Variants in SNTG1 observed in about 807,000 individuals in gnomAD.
The protein encoded by SNTG1 is syntrophin gamma 1.
A neutral mutation model predicts 74.7 loss-of-function variants in SNTG1; 39 were observed. That is an observed-to-expected ratio of 0.52 (90% CI 0.40 to 0.68). SNTG1 has a LOEUF of 0.68. SNTG1 is among the 30% of genes least tolerant of loss of function. The pLI is 0.00. For missense variants in SNTG1, 685 were observed against 609.5 expected, an observed-to-expected ratio of 1.12 and a Z score of -1.30; for synonymous variants, 254 against 217.1, an observed-to-expected ratio of 1.17 and a Z score of -1.49.
intron 1 of SNTG1, among the ~76,000 whole-genome samples, chr8:49,913,295 G>T (rs751965030): frequency 2.0e-5 from 3 of 152,186 alleles, no homozygotes; most frequent in Admixed American, 6.5e-5. Context: ...CTACCCCTTT[G>T]AAAAATTACA....
chr8:50,363,468 G>T (rs903241228), intron 2 of SNTG1, among the ~76,000 whole-genome samples: 4 of 152,100 alleles, frequency 2.6e-5, no homozygotes, highest in African/African-American at 4.8e-5. Flanking sequence ...TTTACAATTG[G>T]ACTTTGTCCC....
rs1464664827 is a variant in SNTG1, at chr8:50,438,617, T to C, written c.219+18T>C. The C allele has an allele frequency of 3.7e-6, 6 of 1,605,110 alleles. No homozygotes were observed. Among genetic ancestry groups the C allele is most frequent in the Admixed American group, 1.7e-5 (1 of 59,826 alleles). On this transcript the variant is annotated intron_variant, in intron 5 of 18. Transcript: ENST00000642720. ...GCATAAAGGTAGCCTGCCTTTCTAG[T>C]CTATCCTTACAAAGGCCATGCCATA...
At chr8:50,427,342 G>C (rs1238646843) in intron 4 of SNTG1, among the ~76,000 whole-genome samples, 1 of 152,082 alleles carries the variant, frequency 6.6e-6, no homozygotes, top group African/African-American at 2.4e-5. Flanking sequence ...TTTACAAATG[G>C]TATGAATCTG....
intron 1 of SNTG1, among the ~76,000 whole-genome samples, chr8:50,049,095 C>CA (rs926763776): frequency 1.9e-4 from 28 of 146,568 alleles, no homozygotes; most frequent in Middle Eastern, 3.5e-3. Flanking sequence ...AGAGTGAAAA[C>CA]AAAAAAAAAG....
At chr8:50,314,585 T>C (rs879355441) in intron 2 of SNTG1, among the ~76,000 whole-genome samples, 3 of 149,726 alleles carry the variant, frequency 2.0e-5, no homozygotes, top group Admixed American at 6.8e-5. Context: ...TTGGGAGGTA[T>C]AGATGGAGAT....
chr8:50,150,182 T>C (rs1356012921), intron 1 of SNTG1, among the ~76,000 whole-genome samples: 1 of 152,168 alleles, frequency 6.6e-6, no homozygotes, highest in Non-Finnish European at 1.5e-5. Flanking sequence ...ACTCAGGATT[T>C]GGTTCTCTGT....
chr8:50,397,696 C>A (rs1245384459), intron 3 of SNTG1, among the ~76,000 whole-genome samples: 1 of 152,142 alleles, frequency 6.6e-6, no homozygotes, highest in African/African-American at 2.4e-5. Context: ...AACCATAATG[C>A]TCTCCAGTGA....
At chr8:50,169,930 CAG>C (rs2082746614) in intron 1 of SNTG1, among the ~76,000 whole-genome samples, 1 of 152,052 alleles carries the variant, frequency 6.6e-6, no homozygotes, top group Non-Finnish European at 1.5e-5. Context: ...GTCTTGATGA[CAG>C]AGTGGGACCC....
chr8:50,378,325 C>G (rs2092424357), intron 2 of SNTG1, among the ~76,000 whole-genome samples: 1 of 152,182 alleles, frequency 6.6e-6, no homozygotes, highest in African/African-American at 2.4e-5. Context: ...CCACAGGGCC[C>G]CAAAGATGGT....
chr8:50,180,910 G>T (rs1027366430), intron 2 of SNTG1, among the ~76,000 whole-genome samples: 1 of 151,886 alleles, frequency 6.6e-6, no homozygotes, highest in East Asian at 1.9e-4. Flanking sequence ...ACAGATGCAC[G>T]CCACCATGCC....
chr8:50,563,576 T>G (rs1475414352), intron 12 of SNTG1, among the ~76,000 whole-genome samples: 1 of 151,684 alleles, frequency 6.6e-6, no homozygotes, highest in Non-Finnish European at 1.5e-5. Context: ...ATAGACAAAT[T>G]TTTTTTAAAT....
intron 9 of SNTG1, among the ~76,000 whole-genome samples, chr8:50,520,509 A>G (rs1010960690): frequency 6.6e-6 from 1 of 152,020 alleles, no homozygotes; most frequent in Non-Finnish European, 1.5e-5. Flanking sequence ...CAGGCAACCT[A>G]CAGAATGGGA....
At chr8:50,269,121 A>C (rs2087641126) in intron 2 of SNTG1, among the ~76,000 whole-genome samples, 1 of 152,196 alleles carries the variant, frequency 6.6e-6, no homozygotes, top group South Asian at 2.1e-4. Context: ...TTAAACATGA[A>C]ATGTAAAACT....
chr8:50,041,086 G>A (rs976961435), intron 1 of SNTG1, among the ~76,000 whole-genome samples: 13 of 152,078 alleles, frequency 8.5e-5, no homozygotes, highest in African/African-American at 2.7e-4. Context: ...AGTAGAGACA[G>A]GGTTTCTCCA....
rs1187937964 is a variant in SNTG1 at position 49,983,471 on chromosome 8, C to T, written c.-103+71240C>T. 1.3e-5 allele frequency among the ~76,000 whole-genome samples: 2 copies of T among 152,034 alleles called. 1 individual carries two copies. The highest frequency in any genetic ancestry group is 1.3e-4 in the Admixed American group (2 of 15,262). On this transcript the variant is annotated intron_variant, in intron 1 of 18. Coordinates refer to ENST00000642720, the MANE Select transcript of SNTG1 (RefSeq NM_018967.5). ...GTGAATTTTATATATTTAAATAATC[C>T]TTTTGTTTTTTGGATTTCTAAATAC...
At chr8:49,990,192 A>T (rs1044978935) in intron 1 of SNTG1, among the ~76,000 whole-genome samples, 1 of 152,000 alleles carries the variant, frequency 6.6e-6, no homozygotes, top group Non-Finnish European at 1.5e-5. Context: ...TCATAAATTC[A>T]CCAACATTTA....
At chr8:50,242,527 CAA>C (rs773542089) in intron 2 of SNTG1, among the ~76,000 whole-genome samples, 16 of 31,002 alleles carry the variant, frequency 5.2e-4, no homozygotes, top group Middle Eastern at 0.012. Context: ...GAATCCATCT[CAA>C]AAAAAAAAAA....
chr8:50,072,917 A>G (rs1821500626), intron 1 of SNTG1, among the ~76,000 whole-genome samples: 1 of 152,230 alleles, frequency 6.6e-6, no homozygotes, highest in African/African-American at 2.4e-5. Context: ...TTATAACTAA[A>G]AAATGCTCAC....
At position 50,111,375 on chromosome 8, in the gene SNTG1, C is replaced by T. The variant is rs537702366; in HGVS notation, c.-102-61186C>T. Among the ~76,000 whole-genome samples, 11 of 152,018 alleles carry T rather than the reference C, an allele frequency of 7.2e-5. No homozygotes were observed. The South Asian group carries it at 2.3e-3, about 32-fold the overall frequency. The stretch of plus-strand genomic sequence containing the variant: ...ATTGAATATGAATAGTGTCCTTATA[C>T]GAAGAGGCACCAGAAAGTATATCCT... On this transcript the variant is annotated intron_variant, in intron 1 of 18. Coordinates refer to ENST00000642720, the MANE Select transcript of SNTG1 (RefSeq NM_018967.5).
Sources: gnomAD v4.1 joint callset for allele counts (sites outside exome capture counted in the v4.1 genomes callset) on GRCh38, gnomAD v4.1.1 for gene constraint, MANE v1.5 for transcripts, NCBI Gene and HGNC (gene_info 2026-07-23, HGNC 2026-07-21) for gene names.